Variants in WDPCP observed in about 807,000 individuals in gnomAD.
The protein encoded by WDPCP is WD repeat containing planar cell polarity effector.
In WDPCP, 71 loss-of-function variants were observed where a neutral mutation model predicts 93.1. The ratio of observed to expected loss-of-function variants is 0.76; its 90% CI spans 0.63 to 0.93. WDPCP has a LOEUF of 0.93. Ranked by LOEUF, WDPCP falls within the 40% of genes least tolerant of loss-of-function variation. WDPCP has a pLI of 0.00. For synonymous variants in WDPCP, 315 were observed against 315.0 expected, an observed-to-expected ratio of 1.00 and a Z score of 0.00; for missense variants, 844 against 887.4, an observed-to-expected ratio of 0.95 and a Z score of 0.62.
Position 63,669,437 on chromosome 2 carries a change from G to A in WDPCP, n.309-18599C>T, listed in dbSNP as rs372586679. 1.3e-4 allele frequency among the ~76,000 whole-genome samples: 20 copies of A among 150,886 alleles called. 1 individual carries two copies. The South Asian group carries it at 1.7e-3, about 13-fold the overall frequency. On this transcript the variant is annotated intron_variant and non_coding_transcript_variant, in intron 2 of 4. Transcript: ENST00000467687. ...TGCAGTGGTGCAATTTTGGCTCACT[G>A]CAACCTCCACCTCCTGGGTTCAAGC...
intron 1 of WDPCP, among the ~76,000 whole-genome samples, chr2:63,570,822 T>C (rs993222492): frequency 2.0e-5 from 3 of 152,214 alleles, no homozygotes; most frequent in Non-Finnish European, 4.4e-5. Flanking sequence ...ATATAGTAGC[T>C]TGGAGCATAA....
At chr2:63,441,533 G>A (rs200831397) in intron 6 of WDPCP, 1 of 151,864 alleles carries the variant, frequency 6.6e-6, no homozygotes, top group Admixed American at 6.6e-5. Flanking sequence ...ATGTTGGCTT[G>A]GCCACATTTA....
At chr2:63,366,546 C>T (rs573753057) in intron 12 of WDPCP, among the ~76,000 whole-genome samples, 1 of 151,906 alleles carries the variant, frequency 6.6e-6, no homozygotes, top group Non-Finnish European at 1.5e-5. Flanking sequence ...TCCAGACTTT[C>T]GCTTAAATTC....
intron 3 of WDPCP, chr2:63,595,623 A>C: frequency 2.8e-6 from 2 of 710,882 alleles, no homozygotes; most frequent in Non-Finnish European, 2.4e-6. Flanking sequence ...ATTTCATAAG[A>C]GGATTTTTTT....
intron 3 of WDPCP, chr2:63,622,930 T>C (rs2422002): frequency 3.4e-5 from 34 of 1,004,370 alleles, no homozygotes; most frequent in Non-Finnish European, 4.8e-5. Flanking sequence ...GGCGCACACC[T>C]GCTGCCAGGC....
At chr2:63,609,013 C>G (rs1709585780) in intron 3 of WDPCP, among the ~76,000 whole-genome samples, 1 of 152,096 alleles carries the variant, frequency 6.6e-6, no homozygotes, top group Non-Finnish European at 1.5e-5. Flanking sequence ...TCTATATTCT[C>G]GTGACATTAG....
chr2:63,455,617 G>A (rs960219169), intron 6 of WDPCP, among the ~76,000 whole-genome samples: 2 of 151,900 alleles, frequency 1.3e-5, no homozygotes, highest in African/African-American at 4.8e-5. Context: ...GGGATCAATC[G>A]AGCAAGAGGA....
intron 14 of WDPCP, among the ~76,000 whole-genome samples, chr2:63,225,712 A>C (rs1018884240): frequency 2.0e-5 from 3 of 151,862 alleles, no homozygotes; most frequent in Admixed American, 1.3e-4. Flanking sequence ...ATAGTAATAA[A>C]ATTATGTTTT....
chr2:63,332,157 A>G (rs1688027608), intron 12 of WDPCP, among the ~76,000 whole-genome samples: 1 of 151,192 alleles, frequency 6.6e-6, no homozygotes, highest in Non-Finnish European at 1.5e-5. Context: ...CCATTCTAAT[A>G]ATATTCTAAT....
intron 2 of WDPCP, among the ~76,000 whole-genome samples, chr2:63,685,475 G>A (rs923362684): frequency 6.6e-5 from 8 of 121,888 alleles, no homozygotes; most frequent in Non-Finnish European, 1.2e-4. Context: ...GTCTCCCAGC[G>A]AAGAAAAGCC....
At chr2:63,592,606 G>A (rs774012084), upstream of WDPCP, among the ~76,000 whole-genome samples, 1 of 152,186 alleles carries the variant, frequency 6.6e-6, no homozygotes, top group African/African-American at 2.4e-5. Flanking sequence ...TTGTCCCCCC[G>A]CGCAATGCGC....
At chr2:63,727,211 G>C (rs1447481675) in intron 2 of WDPCP, among the ~76,000 whole-genome samples, 1 of 152,106 alleles carries the variant, frequency 6.6e-6, no homozygotes, top group Admixed American at 6.6e-5. Context: ...TTATTTTGAG[G>C]TACGTTCTTT....
chr2:63,353,249 C>T (rs1277735897), intron 12 of WDPCP, among the ~76,000 whole-genome samples: 3 of 152,122 alleles, frequency 2.0e-5, no homozygotes, highest in African/African-American at 4.8e-5. Context: ...CTAAGGCACA[C>T]GTAGAGACCA....
chr2:63,122,980 C>T (rs1014545112), intron 17 of WDPCP, among the ~76,000 whole-genome samples: 11 of 149,990 alleles, frequency 7.3e-5, no homozygotes, highest in African/African-American at 2.0e-4. Flanking sequence ...AACAGATATG[C>T]GGCTAAAAAA....
Position 63,121,685 on chromosome 2 carries a change from T to A in WDPCP, c.*321A>T, listed in dbSNP as rs1226944061. On this transcript the variant is annotated 3_prime_UTR_variant, in exon 18 of 18. Coordinates refer to ENST00000272321, the MANE Select transcript of WDPCP (RefSeq NM_015910.7). ...TGCCTGCCCCCTACTGCCCCTTTTT[T>A]AAAGTACCTGGGAGAACAAAGTTTA... 1 of 396,104 alleles carries A rather than the reference T, an allele frequency of 2.5e-6. No individual in the cohort carries two copies. Among genetic ancestry groups the A allele is most frequent in the Non-Finnish European group, 4.0e-6 (1 of 251,512 alleles). The allele number at this position is 396,104 out of a possible 1,614,324, so 24.5% of individuals were successfully genotyped here.
At chr2:63,667,058 T>G (rs1710292726) in intron 2 of WDPCP, among the ~76,000 whole-genome samples, 1 of 152,220 alleles carries the variant, frequency 6.6e-6, no homozygotes, top group African/African-American at 2.4e-5. Context: ...GGTGGTCCTC[T>G]ATCTTGATTG....
rs1204471357 is a variant in WDPCP, at chr2:63,315,044, G to T, written c.1749-1733C>A. Among the ~76,000 whole-genome samples, 5 of 152,078 alleles carry T rather than the reference G, an allele frequency of 3.3e-5. No individual in the cohort carries two copies. In the East Asian group the frequency reaches 9.6e-4, roughly 29 times the overall value. On this transcript the variant is annotated intron_variant, in intron 12 of 17. Coordinates refer to ENST00000272321, the MANE Select transcript of WDPCP (RefSeq NM_015910.7). ...CATGGTGAAACAGAAATAACAAAAG[G>T]AGACTCCCAACTAGCTTGTTTATAA... is the stretch of plus-strand genomic sequence containing the variant.
intron 13 of WDPCP, among the ~76,000 whole-genome samples, chr2:63,267,037 C>T (rs1682190929): frequency 6.6e-6 from 1 of 151,780 alleles, no homozygotes; most frequent in South Asian, 2.1e-4. Context: ...CAATCTTGCA[C>T]AAAAGGAACA....
intron 1 of WDPCP, among the ~76,000 whole-genome samples, chr2:63,587,338 T>TA: frequency 6.6e-6 from 1 of 152,072 alleles, no homozygotes; most frequent in East Asian, 1.9e-4. Context: ...TGAGAACCAG[T>TA]AACAAAAGAG....
Sources: allele counts gnomAD v4.1 joint callset (sites outside exome capture counted in the v4.1 genomes callset), GRCh38; gene constraint gnomAD v4.1.1; transcripts MANE v1.5; gene names NCBI Gene and HGNC (gene_info 2026-07-23, HGNC 2026-07-21).